Variants in CNTN5 observed in about 807,000 individuals in gnomAD.
CNTN5 encodes contactin-5.
In CNTN5, 77 loss-of-function variants were observed where a neutral mutation model predicts 129.1. The observed-to-expected ratio is 0.60, with a 90% CI of 0.50 to 0.72. The LOEUF (loss-of-function observed/expected upper bound fraction) is 0.72, where lower values mean the gene tolerates loss of function less well. Ranked by LOEUF, CNTN5 falls within the 30% of genes least tolerant of loss-of-function variation. The probability of loss-of-function intolerance (pLI) is 0.00; values close to 1 mark genes in which losing one functional copy is unlikely to be tolerated. For missense variants in CNTN5, 1,478 were observed against 1,328.8 expected, an observed-to-expected ratio of 1.11 and a Z score of -1.75; for synonymous variants, 509 against 465.6, an observed-to-expected ratio of 1.09 and a Z score of -1.20.
At chr11:100,283,508 A>G (rs545156740) in intron 18 of CNTN5, among the ~76,000 whole-genome samples, 8 of 152,144 alleles carry the variant, frequency 5.3e-5, no homozygotes, top group Non-Finnish European at 1.2e-4. Context: ...GGACTTGCCT[A>G]GGAGTTACAG....
intron 6 of CNTN5, among the ~76,000 whole-genome samples, chr11:99,861,211 C>T (rs1003470582): frequency 6.6e-6 from 1 of 152,130 alleles, no homozygotes; most frequent in African/African-American, 2.4e-5. Context: ...CCAGCCTCAG[C>T]CTCCCAAAGT....
At chr11:100,326,106 A>G (rs1951782186) in intron 21 of CNTN5, among the ~76,000 whole-genome samples, 1 of 152,216 alleles carries the variant, frequency 6.6e-6, no homozygotes, top group South Asian at 2.1e-4. Context: ...AAGCAATAAG[A>G]TGTAAACTTG....
intron 13 of CNTN5, among the ~76,000 whole-genome samples, chr11:100,154,041 G>T (rs529458820): frequency 4.6e-5 from 7 of 151,956 alleles, no homozygotes; most frequent in African/African-American, 1.7e-4. Context: ...AAGTTCTGGG[G>T]TACATGTGCA....
chr11:99,892,109 C>T (rs1354217266), intron 6 of CNTN5, among the ~76,000 whole-genome samples: 1 of 152,160 alleles, frequency 6.6e-6, no homozygotes, highest in Non-Finnish European at 1.5e-5. Context: ...TGTTTGTTGG[C>T]CACATAAATA....
intron 13 of CNTN5, among the ~76,000 whole-genome samples, chr11:100,159,259 A>G (rs1947359755): frequency 6.6e-6 from 1 of 151,906 alleles, no homozygotes; most frequent in Non-Finnish European, 1.5e-5. Context: ...CCATAAAAAA[A>G]GTGTAGGTTT....
chr11:99,798,927 T>C (rs1946031072), intron 3 of CNTN5, among the ~76,000 whole-genome samples: 1 of 152,220 alleles, frequency 6.6e-6, no homozygotes, highest in Admixed American at 6.5e-5. Context: ...GTTTGTGTCA[T>C]CTATGATTTC....
At chr11:99,898,880 G>T (rs1949278569) in intron 6 of CNTN5, among the ~76,000 whole-genome samples, 1 of 151,728 alleles carries the variant, frequency 6.6e-6, no homozygotes, top group Non-Finnish European at 1.5e-5. Flanking sequence ...CTATTCTACT[G>T]AATTACTTAG....
chr11:99,042,365 C>CTTTTTTTT lies in CNTN5; in HGVS notation c.-210+21115_-210+21122dup. ...CACATGTACCTCCCTTCTTCTTCTT[C>CTTTTTTTT]TTTTTTTTTTTTTTTTTTTTTTTTT... On this transcript the variant is annotated intron_variant, in intron 1 of 24. Coordinates refer to ENST00000524871, the MANE Select transcript of CNTN5 (RefSeq NM_014361.4). 5.4e-4 allele frequency among the ~76,000 whole-genome samples: 45 copies of CTTTTTTTT among 83,790 alleles called. 1 individual carries two copies. Among genetic ancestry groups the CTTTTTTTT allele is most frequent in the Admixed American group, 3.2e-3 (21 of 6,570 alleles). The allele number at this position is 83,790 out of a possible 152,430, so 55.0% of individuals were successfully genotyped here. A position where few individuals can be genotyped will look rare whatever the true frequency, so the allele number is the denominator to read the frequency against.
chr11:99,646,518 G>C (rs972885672), intron 3 of CNTN5, among the ~76,000 whole-genome samples: 6 of 152,078 alleles, frequency 3.9e-5, no homozygotes, highest in African/African-American at 1.4e-4. Context: ...CCACATCTCT[G>C]TCAGAATATA....
chr11:99,511,913 TTG>T (rs201332601), intron 2 of CNTN5, among the ~76,000 whole-genome samples: 8,811 of 152,110 alleles, frequency 0.058, 263 homozygotes, highest in South Asian at 0.08. Flanking sequence ...TACAATGCAT[TTG>T]TGTTTTAAGC....
At chr11:100,150,583 C>T (rs960966585) in intron 13 of CNTN5, among the ~76,000 whole-genome samples, 1 of 151,106 alleles carries the variant, frequency 6.6e-6, no homozygotes, top group Non-Finnish European at 1.5e-5. Flanking sequence ...GCCTTTTTTT[C>T]CCTCTCAAAA....
chr11:99,516,585 C>T lies in CNTN5; in HGVS notation c.-70-39560C>T, dbSNP rs564792914. On this transcript the variant is annotated intron_variant, in intron 2 of 24. Coordinates refer to ENST00000524871, the MANE Select transcript of CNTN5 (RefSeq NM_014361.4). Reference sequence around the variant, plus strand: ...GGCACACAATCCAAACTGAGAGCATCGAGTGAGGGTCACCAATGGGGCAGT... The same window carrying T: ...GGCACACAATCCAAACTGAGAGCATTGAGTGAGGGTCACCAATGGGGCAGT... Among the ~76,000 whole-genome samples, 26 of 152,126 alleles carry T rather than the reference C, an allele frequency of 1.7e-4. No homozygotes were observed. In the East Asian group the frequency reaches 1.9e-3, roughly 11 times the overall value.
intron 3 of CNTN5, among the ~76,000 whole-genome samples, chr11:99,618,233 C>T (rs1950820583): frequency 6.6e-6 from 1 of 152,100 alleles, no homozygotes; most frequent in Admixed American, 6.6e-5. Context: ...GATTATAAAA[C>T]ATGTATTGAT....
intron 8 of CNTN5, among the ~76,000 whole-genome samples, chr11:99,973,736 C>A (rs976720278): frequency 8.6e-5 from 13 of 151,982 alleles, no homozygotes; most frequent in Non-Finnish European, 1.8e-4. Context: ...ATTTTGTGAT[C>A]ATTTTTATTA....
intron 13 of CNTN5, among the ~76,000 whole-genome samples, chr11:100,104,882 A>G (rs771185127): frequency 2.0e-5 from 3 of 152,086 alleles, no homozygotes; most frequent in Non-Finnish European, 4.4e-5. Flanking sequence ...CCCTTTTTGT[A>G]CTATGCAAGT....
intron 1 of CNTN5, among the ~76,000 whole-genome samples, chr11:99,216,320 G>T (rs1444994838): frequency 6.6e-6 from 1 of 152,040 alleles, no homozygotes; most frequent in Non-Finnish European, 1.5e-5. Flanking sequence ...TGTTGCAAAT[G>T]ACCGGATTTC....
At chr11:99,719,702 C>A (rs1306006872) in intron 3 of CNTN5, among the ~76,000 whole-genome samples, 1 of 151,864 alleles carries the variant, frequency 6.6e-6, no homozygotes, top group African/African-American at 2.4e-5. Context: ...CCGAGCTGAA[C>A]TGAAGGAAAT....
intron 6 of CNTN5, among the ~76,000 whole-genome samples, chr11:99,868,846 C>T (rs1247014123): frequency 8.6e-5 from 13 of 151,948 alleles, no homozygotes; most frequent in South Asian, 2.1e-4. Context: ...AGAGGGGACA[C>T]GTATAGGTTT....
chr11:100,059,171 T>C lies in CNTN5; in HGVS notation c.981-2041T>C, dbSNP rs192691471. Among the ~76,000 whole-genome samples the C allele has an allele frequency of 3.3e-5, 5 of 152,284 alleles. 1 individual carries two copies. The East Asian group carries it at 9.6e-4, about 29-fold the overall frequency. ...TTTTAAATATTGTGGGACACGGAGT[T>C]TTACTTATTTAATGATGCTGAAATA... is the stretch of plus-strand genomic sequence containing the variant. On this transcript the variant is annotated intron_variant, in intron 9 of 24. Transcript: ENST00000524871.
Sources: gnomAD v4.1 joint callset for allele counts (sites outside exome capture counted in the v4.1 genomes callset) on GRCh38, gnomAD v4.1.1 for gene constraint, MANE v1.5 for transcripts, NCBI Gene and HGNC (gene_info 2026-07-23, HGNC 2026-07-21) for gene names.